Variants in UTP4 observed in about 807,000 individuals in gnomAD.
UTP4 encodes the protein UTP4 small subunit processome component.
A neutral mutation model predicts 82.4 loss-of-function variants in UTP4; 45 were observed. The ratio of observed to expected loss-of-function variants is 0.55; its 90% CI spans 0.43 to 0.70. UTP4 has a LOEUF of 0.70. UTP4 is among the 30% of genes least tolerant of loss of function. The pLI is 0.00. For missense variants in UTP4, 819 were observed against 858.3 expected (o/e 0.95, Z 0.57); for synonymous variants, 348 against 300.3 (o/e 1.16, Z -1.64).
chr16:69,140,635 T>C (rs1233263091), intron 5 of UTP4, among the ~76,000 whole-genome samples: 1 of 151,788 alleles, frequency 6.6e-6, no homozygotes, highest in African/African-American at 2.4e-5. Flanking sequence ...AATCGCCCCA[T>C]TGCACTCCAG....
At chr16:69,137,654 A>T in intron 3 of UTP4, 147 bp from the exon 4 acceptor site, 1 of 638,830 alleles carries the variant, frequency 1.6e-6, no homozygotes, top group Non-Finnish European at 2.8e-6. Context: ...TTTCTCTCAC[A>T]AATGATTTTT....
At position 69,136,871 on chromosome 16, in the gene UTP4, G is replaced by C. The variant is rs558948355; in HGVS notation, c.335G>C (p.Ser112Thr). The C allele has an allele frequency of 2.5e-6, 4 of 1,614,130 alleles. No individual in the cohort carries two copies. Among genetic ancestry groups the C allele is most frequent in the African/African-American group, 1.3e-5 (1 of 75,026 alleles). Residue 112 changes from serine (S) to threonine (T), a missense_variant, in exon 3 of 17, where the codon AGT becomes ACT. By Grantham distance (58) the Ser-to-Thr change is moderately conservative (BLOSUM62 1). Transcript: ENST00000314423. ...ATTTGGAGCATGGCTGCCAGCCCCA[G>C]TGGCTCTCAACTTTTGGTTAGTAAG... is the stretch of plus-strand genomic sequence containing the variant. Reference protein sequence around the residue: ...GPIWSMAASPSGSQLLVGCED... With the variant: ...GPIWSMAASPTGSQLLVGCED...
chr16:69,132,743 A>G (rs1400840543), intron 1 of UTP4, 54 bp downstream of exon 1: 1 of 244,176 alleles, frequency 4.1e-6, no homozygotes, highest in Non-Finnish European at 8.2e-6. Flanking sequence ...GGGGTCTTAC[A>G]AGGTGGCCGG....
chr16:69,139,895 T>C lies in UTP4; in HGVS notation c.507T>C (p.Ser169=). 6.2e-7 allele frequency: 1 copy of C among 1,612,448 alleles called. No homozygotes were observed. The highest frequency in any genetic ancestry group is 8.5e-7 in the Non-Finnish European group (1 of 1,178,496). Residue 169 remains serine, a synonymous_variant, in exon 5 of 17, where the codon AGT becomes AGC. Coordinates refer to ENST00000314423, the MANE Select transcript of UTP4 (RefSeq NM_032830.3). ...CAGCTGGTTCCATAGACTACATTAG[T>C]GTGTTTGATGTCAAATCAGGTGATT... ...HIAAGSIDYI[S]VFDVKSGSAV... is the part of the protein sequence containing the mutation.
chr16:69,168,414 C>T (rs1026936630), intron 16 of UTP4, among the ~76,000 whole-genome samples: 5 of 117,224 alleles, frequency 4.3e-5, no homozygotes, highest in Non-Finnish European at 4.9e-5. Context: ...CCAGCCTGGG[C>T]GGCAGAGCGA....
At position 69,163,321 on chromosome 16, in the gene UTP4, T is replaced by C. The variant is rs1046662457; in HGVS notation, c.1647+143T>C. On this transcript the variant is annotated intron_variant, in intron 14 of 16. Coordinates refer to ENST00000314423, the MANE Select transcript of UTP4 (RefSeq NM_032830.3). ...TTCTCCTGTGTGAAGTAAAGCTTCC[T>C]TGCCGGTCTGGGCTCATCATAGGCC... The C allele has an allele frequency of 3.2e-5, 23 of 716,404 alleles. No individual in the cohort carries two copies. The East Asian group carries it at 6.1e-4, about 19-fold the overall frequency. The allele number at this position is 716,404 out of a possible 1,614,324, so 44.4% of individuals were successfully genotyped here.
intron 6 of UTP4, among the ~76,000 whole-genome samples, chr16:69,144,351 T>C (rs1036892968): frequency 1.3e-5 from 2 of 151,928 alleles, no homozygotes; most frequent in African/African-American, 4.8e-5. Context: ...GGCGCCCGCC[T>C]CTGTGCCCAG....
Position 69,157,996 on chromosome 16 carries a change from G to T in UTP4, c.1444+756G>T, listed in dbSNP as rs560384554. ...ATGTGAGTATTAATGAATGAGTGTGGCTATGTAGCTAGCTATGGCTAACTG... is the reference window on the plus strand; with the variant it reads ...ATGTGAGTATTAATGAATGAGTGTGTCTATGTAGCTAGCTATGGCTAACTG... On this transcript the variant is annotated intron_variant, in intron 12 of 16. Transcript: ENST00000314423. Among the ~76,000 whole-genome samples the T allele has an allele frequency of 2.6e-5, 4 of 151,296 alleles. No homozygotes were observed. The South Asian group carries it at 6.3e-4, about 24-fold the overall frequency.
chr16:69,133,767 A>G (rs565479516), intron 2 of UTP4, 149 bp downstream of exon 2: 74 of 766,620 alleles, frequency 9.7e-5, no homozygotes, highest in Non-Finnish European at 1.2e-4. Context: ...GAGATCTCCT[A>G]ACTGATAAGA....
chr16:69,143,502 G>A (rs1341021702), intron 6 of UTP4, 113 bp downstream of exon 6: 9 of 929,130 alleles, frequency 9.7e-6, no homozygotes, highest in Admixed American at 2.0e-5. Flanking sequence ...TGTTGTACTG[G>A]AGGAAGATGA....
intron 11 of UTP4, among the ~76,000 whole-genome samples, chr16:69,156,584 G>A (rs965670548): frequency 6.6e-6 from 1 of 151,074 alleles, no homozygotes; most frequent in Non-Finnish European, 1.5e-5. Context: ...TCAGCCTCCC[G>A]AGTAGCTGGG....
At chr16:69,143,077 T>G in intron 5 of UTP4, 101 bp from the exon 6 acceptor site, 1 of 1,291,442 alleles carries the variant, frequency 7.7e-7, no homozygotes, top group Non-Finnish European at 1.1e-6. Context: ...AGGCTGGCCT[T>G]AAACTCCAGG....
At chr16:69,146,596 C>T (rs951640567) in intron 6 of UTP4, among the ~76,000 whole-genome samples, 2 of 152,296 alleles carry the variant, frequency 1.3e-5, no homozygotes, top group East Asian at 1.9e-4. Flanking sequence ...TGCGGTGGCT[C>T]ACGCCTGTAA....
rs182496334 is a variant in UTP4, at chr16:69,149,499, C to T, written c.739-1038C>T. On this transcript the variant is annotated intron_variant, in intron 6 of 16. Transcript: ENST00000314423. ...CGGGACGGCAGAGGTTGCAGTGAGC[C>T]GAGATCATGCCACTGCCCTCCAGCC... Among the ~76,000 whole-genome samples the T allele has an allele frequency of 1.3e-4, 20 of 151,746 alleles. No homozygotes were observed. The East Asian group carries it at 3.3e-3, about 25-fold the overall frequency.
intron 11 of UTP4, among the ~76,000 whole-genome samples, 161 bp downstream of exon 11, chr16:69,156,154 C>CTTTTTTTTTTT (rs36043898): frequency 7.7e-5 from 10 of 130,454 alleles, no homozygotes; most frequent in South Asian, 4.8e-4. Context: ...TTCTTTCTTT[C>CTTTTTTTTTTT]TTTTTTTTTT....
chr16:69,153,173 T>G (rs1433586998), intron 8 of UTP4, among the ~76,000 whole-genome samples: 16 of 152,184 alleles, frequency 1.1e-4, no homozygotes, highest in Admixed American at 6.5e-5. Flanking sequence ...GCCATCACCC[T>G]CCTCAGAATG....
chr16:69,150,523 A>G lies in UTP4; in HGVS notation c.739-14A>G. On this transcript the variant is annotated splice_polypyrimidine_tract_variant and intron_variant, in intron 6 of 16. Transcript: ENST00000314423. ...TTTGCTTACGTGTACCTCCCTCATGATTTAATTCCTCAGCAAGAAGACAGT... is the reference window on the plus strand; with the variant it reads ...TTTGCTTACGTGTACCTCCCTCATGGTTTAATTCCTCAGCAAGAAGACAGT... 1 of 1,614,158 alleles carries G rather than the reference A, an allele frequency of 6.2e-7. No homozygotes were observed. The highest frequency in any genetic ancestry group is 8.5e-7 in the Non-Finnish European group (1 of 1,180,012).
At position 69,162,032 on chromosome 16, in the gene UTP4, G is replaced by T. The variant is rs535874866; in HGVS notation, c.1552-1051G>T. ...GCCCAGGCTGGAGTGTGGTGGCGCA[G>T]TCTCTGCTCACTGCAACCTCCGCCT... On this transcript the variant is annotated intron_variant, in intron 13 of 16. Coordinates refer to ENST00000314423, the MANE Select transcript of UTP4 (RefSeq NM_032830.3). 1.4e-3 allele frequency among the ~76,000 whole-genome samples: 219 copies of T among 151,292 alleles called. 1 individual carries two copies. Among genetic ancestry groups the T allele is most frequent in the Non-Finnish European group, 2.7e-3 (184 of 67,826 alleles).
Position 69,150,674 on chromosome 16 carries a change from T to C in UTP4, c.876T>C (p.Thr292=), listed in dbSNP as rs147819992. The C allele has an allele frequency of 2.7e-5, 44 of 1,614,208 alleles. No homozygotes were observed. In the African/African-American group the frequency reaches 5.1e-4, roughly 19 times the overall value. The change falls in exon 7 of 17, where the codon ACT becomes ACC. Residue 292 remains threonine, a synonymous_variant. Coordinates refer to ENST00000314423, the MANE Select transcript of UTP4 (RefSeq NM_032830.3). ...PFQHHTHDVR[T]VAHSPTALIS... ...AGCATCACACTCATGACGTGCGCAC[T>C]GTGGCCCACAGCCCAACAGCGCTGA...
Sources: allele counts gnomAD v4.1 joint callset (sites outside exome capture counted in the v4.1 genomes callset), GRCh38; gene constraint gnomAD v4.1.1; transcripts MANE v1.5; gene names NCBI Gene and HGNC (gene_info 2026-07-23, HGNC 2026-07-21).